ACMSD: variants seen among roughly 807,000 people sequenced by gnomAD.
ACMSD encodes aminocarboxymuconate semialdehyde decarboxylase.
A neutral mutation model predicts 45.9 loss-of-function variants in ACMSD; 37 were observed. The observed-to-expected ratio is 0.81, with a 90% CI of 0.62 to 1.06. The LOEUF is 1.06. Ranked by LOEUF, ACMSD falls within the 50% of genes least tolerant of loss-of-function variation. ACMSD has a pLI of 0.00. For missense variants in ACMSD, 434 were observed against 420.9 expected (o/e 1.03, Z -0.27); for synonymous variants, 138 against 148.8 (o/e 0.93, Z 0.53).
rs1378709017 is a variant in ACMSD, at chr2:134,838,690, T to G, written c.8T>G (p.Ile3Ser). The change falls in exon 1 of 10, where the codon ATT becomes AGT. Residue 3 changes from isoleucine (I) to serine (S), a missense_variant. Coordinates refer to ENST00000356140, the MANE Select transcript of ACMSD (RefSeq NM_138326.3). MK[I>S]DIHSHILPKE... ...TTCTCTGATCCTGTGGAGATGAAAA[T>G]TGACATCCATAGTCATATTCTACCA... 6.2e-7 allele frequency: 1 copy of G among 1,607,272 alleles called. No individual in the cohort carries two copies. The highest frequency in any genetic ancestry group is 1.7e-5 in the Admixed American group (1 of 59,716).
intron 5 of ACMSD, among the ~76,000 whole-genome samples, chr2:134,866,513 T>C (rs550468888): frequency 2.0e-5 from 3 of 152,342 alleles, no homozygotes; most frequent in African/African-American, 7.2e-5. Context: ...CCAAGACCTG[T>C]TGAATTAAAA....
At chr2:134,859,600 T>C in intron 3 of ACMSD, 1 of 362,444 alleles carries the variant, frequency 2.8e-6, no homozygotes, top group Non-Finnish European at 4.9e-6. Context: ...ATGAAAAAGA[T>C]AAAAATGGCA....
rs1688407736 is a variant in ACMSD, at chr2:134,871,023, G to C, written c.639G>C (p.Glu213Asp). Residue 213 changes from glutamate (E) to aspartate (D), a missense_variant, in exon 7 of 10, where the codon GAG becomes GAC. Glu to Asp is a conservative substitution (Grantham distance 45). Coordinates refer to ENST00000356140, the MANE Select transcript of ACMSD (RefSeq NM_138326.3). ...CCATGATCATGGGTGGAGTATTTGA[G>C]AAGTTTCCCAAACTGAAAGTGTGTT... ...ICSMIMGGVF[E>D]KFPKLKVCFA... The C allele has an allele frequency of 6.2e-7, 1 of 1,614,074 alleles. No homozygotes were observed.
Position 134,840,167 on chromosome 2 carries a change from CAAAAAAAAA to C in ACMSD, c.57+1446_57+1454del, listed in dbSNP as rs1158518481. ...TAAAATAGCCATAAACTATACCTAG[CAAAAAAAAA>C]AAAAAAAAAAAAAAAAACCACTAAT... is the stretch of plus-strand genomic sequence containing the variant. On this transcript the variant is annotated intron_variant, in intron 1 of 9. Coordinates refer to ENST00000356140, the MANE Select transcript of ACMSD (RefSeq NM_138326.3). Among the ~76,000 whole-genome samples the C allele has an allele frequency of 4.3e-4, 10 of 23,434 alleles. 1 individual carries two copies. The highest frequency in any genetic ancestry group is 1.4e-3 in the African/African-American group (10 of 7,390). The allele number at this position is 23,434 out of a possible 152,430, so 15.4% of individuals were successfully genotyped here.
chr2:134,859,919 C>T (rs988483230), intron 3 of ACMSD, among the ~76,000 whole-genome samples: 2 of 152,038 alleles, frequency 1.3e-5, no homozygotes, highest in Non-Finnish European at 2.9e-5. Context: ...AGCTGAATTG[C>T]TAAAAAGCTA....
intron 8 of ACMSD, among the ~76,000 whole-genome samples, chr2:134,891,450 G>C (rs142946023): frequency 6.6e-6 from 1 of 152,132 alleles, no homozygotes; most frequent in East Asian, 1.9e-4. Context: ...CACTTCAAAA[G>C]AAGACATACA....
At chr2:134,887,247 A>C (rs182802776) in intron 8 of ACMSD, among the ~76,000 whole-genome samples, 3 of 152,368 alleles carry the variant, frequency 2.0e-5, no homozygotes, top group African/African-American at 4.8e-5. Flanking sequence ...AGAAGAGCCA[A>C]AATAATCTTG....
chr2:134,862,537 A>G (rs1342221110), intron 4 of ACMSD, among the ~76,000 whole-genome samples: 1 of 152,148 alleles, frequency 6.6e-6, no homozygotes, highest in Non-Finnish European at 1.5e-5. Context: ...TTTTGTACGT[A>G]GCCGGGAATG....
chr2:134,888,874 G>A (rs1165042289), intron 8 of ACMSD, among the ~76,000 whole-genome samples: 4 of 152,176 alleles, frequency 2.6e-5, no homozygotes, highest in Non-Finnish European at 1.5e-5. Flanking sequence ...GAAGGAGCAT[G>A]AGGGAGCTTT....
At chr2:134,901,042 C>T (rs1294432224) in intron 9 of ACMSD, among the ~76,000 whole-genome samples, 1 of 152,122 alleles carries the variant, frequency 6.6e-6, no homozygotes, top group African/African-American at 2.4e-5. Flanking sequence ...AGTAAGAGGT[C>T]CTGCCTCAAA....
At chr2:134,892,441 TA>T (rs1689845346) in intron 8 of ACMSD, among the ~76,000 whole-genome samples, 1 of 150,676 alleles carries the variant, frequency 6.6e-6, no homozygotes, top group Non-Finnish European at 1.5e-5. Context: ...GCTGAAGTCT[TA>T]GGTTTCTATT....
chr2:134,896,215 G>A (rs1318007744), intron 8 of ACMSD, among the ~76,000 whole-genome samples: 1 of 152,134 alleles, frequency 6.6e-6, no homozygotes, highest in Non-Finnish European at 1.5e-5. Context: ...GAAACCATAG[G>A]TGTAAATCTT....
intron 1 of ACMSD, among the ~76,000 whole-genome samples, chr2:134,840,843 G>A (rs1686774451): frequency 6.6e-6 from 1 of 152,112 alleles, no homozygotes; most frequent in Non-Finnish European, 1.5e-5. Context: ...GGTGATTTGT[G>A]AGATTTTGGT....
chr2:134,897,449 T>C (rs1690223661), intron 8 of ACMSD, among the ~76,000 whole-genome samples: 2 of 152,310 alleles, frequency 1.3e-5, no homozygotes, highest in South Asian at 4.1e-4. Flanking sequence ...TTGGAGATAT[T>C]CTGTAATTTA....
chr2:134,897,408 G>C (rs1295353998), intron 8 of ACMSD, among the ~76,000 whole-genome samples: 1 of 151,928 alleles, frequency 6.6e-6, no homozygotes, highest in Non-Finnish European at 1.5e-5. Flanking sequence ...TTCCATTTCA[G>C]CATATGTAAG....
At chr2:134,860,527 C>A (rs540641809) in intron 3 of ACMSD, among the ~76,000 whole-genome samples, 2 of 152,176 alleles carry the variant, frequency 1.3e-5, no homozygotes, top group African/African-American at 4.8e-5. Flanking sequence ...AATAAAAGAG[C>A]AGTTTAGCAC....
intron 1 of ACMSD, among the ~76,000 whole-genome samples, chr2:134,840,294 G>A (rs1390146963): frequency 3.4e-5 from 5 of 148,672 alleles, no homozygotes; most frequent in Admixed American, 6.8e-5. Flanking sequence ...AGAGGACAAC[G>A]CCCCCCTGTA....
At chr2:134,885,921 T>TC (rs1244224182) in intron 8 of ACMSD, among the ~76,000 whole-genome samples, 2 of 152,178 alleles carry the variant, frequency 1.3e-5, no homozygotes, top group African/African-American at 4.8e-5. Flanking sequence ...ACCACAAAGT[T>TC]CTGCCCCCAC....
chr2:134,862,887 T>C, intron 4 of ACMSD: 1 of 845,496 alleles, frequency 1.2e-6, no homozygotes, highest in Non-Finnish European at 1.4e-6. Context: ...TGCCTCAGCA[T>C]TTTGCCAAGG....
Sources: allele counts gnomAD v4.1 joint callset (sites outside exome capture counted in the v4.1 genomes callset), GRCh38; gene constraint gnomAD v4.1.1; transcripts MANE v1.5; gene names NCBI Gene and HGNC (gene_info 2026-07-23, HGNC 2026-07-21).